Variants in SLC22A14 observed in about 807,000 individuals in gnomAD.
SLC22A14 encodes organic cation transporter-like 4.
In SLC22A14, 50 loss-of-function variants were observed where a neutral mutation model predicts 53.9. The ratio of observed to expected loss-of-function variants is 0.93; its 90% CI spans 0.74 to 1.17. SLC22A14 has a LOEUF of 1.17. Ranked by LOEUF, SLC22A14 falls within the 50% of genes most tolerant of loss-of-function variation. The pLI is 0.00. For synonymous variants in SLC22A14, 312 were observed against 303.0 expected (o/e 1.03, Z -0.31); for missense variants, 671 against 734.7 (o/e 0.91, Z 1.00).
At chr3:38,305,882 GGGAGGGAACTAC>G in intron 1 of SLC22A14, 133 bp from the exon 2 acceptor site, 1 of 746,358 alleles carries the variant, frequency 1.3e-6, no homozygotes, top group South Asian at 1.8e-5. Flanking sequence ...AAGAAAGCAA[GGGAGGGAACTAC>G]TGAGAACGTC....
intron 4 of SLC22A14, chr3:38,308,201 AAAG>A (rs750854435): frequency 5.6e-5 from 9 of 159,532 alleles, no homozygotes; most frequent in Non-Finnish European, 1.1e-4. Flanking sequence ...GAGGAAAGAA[AAAG>A]AAAGAAGGAG....
intron 1 of SLC22A14, among the ~76,000 whole-genome samples, chr3:38,289,642 C>T (rs539087207): frequency 6.6e-6 from 1 of 152,204 alleles, no homozygotes; most frequent in Non-Finnish European, 1.5e-5. Flanking sequence ...TTAGGATGAA[C>T]CCAGGCACTT....
Position 38,306,142 on chromosome 3 carries a change from G to A in SLC22A14, c.116G>A (p.Arg39His), listed in dbSNP as rs34043027. Residue 39 changes from arginine to histidine, a missense_variant, in exon 2 of 11, where the codon CGC becomes CAC. Physicochemically the swap from Arg to His is conservative, Grantham distance 29 (BLOSUM62 0). Transcript: ENST00000448498. The stretch of plus-strand genomic sequence containing the variant: ...TCCTGGTCTCTGGAGATGCTGTTAC[G>A]CAGATTGAGGGCTGTCCACACCAAG... Reference protein sequence around the residue: ...PHSWSLEMLLRRLRAVHTKQD... With the variant: ...PHSWSLEMLLHRLRAVHTKQD... 0.054 allele frequency: 86,439 copies of A among 1,613,986 alleles called. 2,804 individuals are homozygous for A. Among genetic ancestry groups the A allele is most frequent in the East Asian group, 0.15 (6,602 of 44,864 alleles).
At chr3:38,294,553 A>T (rs1450762662) in intron 1 of SLC22A14, among the ~76,000 whole-genome samples, 1 of 152,040 alleles carries the variant, frequency 6.6e-6, no homozygotes, top group Non-Finnish European at 1.5e-5. Context: ...AATGCTTCCC[A>T]TCAGAAAAAA....
At chr3:38,308,126 AC>A (rs1559551748) in intron 4 of SLC22A14, 7 of 154,986 alleles carry the variant, frequency 4.5e-5, no homozygotes, top group South Asian at 1.9e-4. Flanking sequence ...AAAAGAAAAA[AC>A]AACAAAAAAC....
At position 38,306,330 on chromosome 3, in the gene SLC22A14, T is replaced by TGG; in HGVS notation, c.305_306dup (p.Ile103GlyfsTer15). On this transcript the variant is annotated frameshift_variant, in exon 2 of 11. Transcript: ENST00000448498. LOFTEE classifies it high-confidence loss of function. ...CCAGAAGCCCTATTGCAATACCAGC[T>TGG]GGATCCTGGCAGTGGGCCCCCACCT... The TGG allele has an allele frequency of 3.1e-6, 5 of 1,614,168 alleles. No homozygotes were observed. The highest frequency in any genetic ancestry group is 4.2e-6 in the Non-Finnish European group (5 of 1,180,042).
At chr3:38,293,408 T>C (rs1007538809) in intron 1 of SLC22A14, among the ~76,000 whole-genome samples, 1 of 152,168 alleles carries the variant, frequency 6.6e-6, no homozygotes, top group Non-Finnish European at 1.5e-5. Flanking sequence ...CTTCTCCTGA[T>C]CTCTATTATA....
At chr3:38,285,084 G>C (rs901912915) in intron 1 of SLC22A14, among the ~76,000 whole-genome samples, 4 of 152,208 alleles carry the variant, frequency 2.6e-5, no homozygotes, top group African/African-American at 9.6e-5. Context: ...CTACCATGAA[G>C]TAAACAGCAC....
chr3:38,314,682 C>T (rs1704573691), intron 8 of SLC22A14, among the ~76,000 whole-genome samples: 1 of 152,252 alleles, frequency 6.6e-6, no homozygotes, highest in Non-Finnish European at 1.5e-5. Context: ...CCCTCCCTTT[C>T]TCCAGGGCTG....
intron 1 of SLC22A14, among the ~76,000 whole-genome samples, chr3:38,298,626 G>A (rs1054238765): frequency 6.6e-6 from 1 of 152,018 alleles, no homozygotes; most frequent in Non-Finnish European, 1.5e-5. Flanking sequence ...CGCCATCTCA[G>A]CTCACTGCAA....
In SLC22A14 at chr3:38,307,687, G is replaced by T; in HGVS notation, c.742G>T (p.Val248Leu). 6.2e-7 allele frequency: 1 copy of T among 1,614,214 alleles called. No homozygotes were observed. Among genetic ancestry groups the T allele is most frequent in the Non-Finnish European group, 8.5e-7 (1 of 1,180,046 alleles). Residue 248 changes from valine to leucine, a missense_variant, in exon 4 of 11, where the codon GTG (valine) becomes TTG (leucine). Coordinates refer to ENST00000448498, the MANE Select transcript of SLC22A14 (RefSeq NM_001320033.2). This position sits in a 1 kb window ranked among gnomAD's most constrained non-coding sequence, Gnocchi z 4.4. ...CTTTCGCTTTGGCATCTCGCAGTCA[G>T]TGGTGGGCTACGCCATCAGCAGCAT... ...LFFRFGISQS[V>L]VGYAISSISL...
chr3:38,306,195 G>A lies in SLC22A14; in HGVS notation c.169G>A (p.Asp57Asn). The A allele has an allele frequency of 6.2e-7, 1 of 1,614,194 alleles. No individual in the cohort carries two copies. The highest frequency in any genetic ancestry group is 1.7e-5 in the Admixed American group (1 of 60,022). The change falls in exon 2 of 11, where the codon GAT becomes AAT. Residue 57 changes from aspartate (D) to asparagine (N), a missense_variant. By Grantham distance (23) the Asp-to-Asn change is conservative (BLOSUM62 1). Coordinates refer to ENST00000448498, the MANE Select transcript of SLC22A14 (RefSeq NM_001320033.2). Reference sequence around the variant, plus strand: ...GGATGACAAGTTTGCCAACCTCCTGGATGCGGTGGGGGAGTTTGGCACATT... The same window carrying A: ...GGATGACAAGTTTGCCAACCTCCTGAATGCGGTGGGGGAGTTTGGCACATT... ...KQDDKFANLL[D>N]AVGEFGTFQQ...
intron 1 of SLC22A14, among the ~76,000 whole-genome samples, chr3:38,301,747 AT>A (rs34126295): frequency 0.068 from 9,753 of 143,326 alleles, 365 homozygotes; most frequent in East Asian, 0.17. Context: ...CCTTTTTAGG[AT>A]TTTTTTTTTT....
At chr3:38,314,989 CA>C (rs1324686429) in intron 8 of SLC22A14, among the ~76,000 whole-genome samples, 2 of 152,236 alleles carry the variant, frequency 1.3e-5, no homozygotes, top group Admixed American at 1.3e-4. Flanking sequence ...GACAGGCAGG[CA>C]GGCAGGGGCT....
rs1450494137 is a variant in SLC22A14 at position 38,307,189 on chromosome 3, G to A, written c.517-65G>A. 5 of 1,126,572 alleles carry A rather than the reference G, an allele frequency of 4.4e-6. No homozygotes were observed. The East Asian group carries it at 9.4e-5, about 21-fold the overall frequency. 69.8% of individuals were successfully genotyped at this position (1,126,572 alleles called of 1,614,324 possible). A position where few individuals can be genotyped will look rare whatever the true frequency, so the allele number is the denominator to read the frequency against. On this transcript the variant is annotated intron_variant, in intron 2 of 10. Coordinates refer to ENST00000448498, the MANE Select transcript of SLC22A14 (RefSeq NM_001320033.2). This position sits in a 1 kb window ranked among gnomAD's most constrained non-coding sequence, Gnocchi z 4.4. ...CCTTGGCCTATAGGTCCCACGCTGG[G>A]ATGAGTCTCAGTCTCTGGACCCAAA...
intron 1 of SLC22A14, among the ~76,000 whole-genome samples, chr3:38,285,162 AAG>A (rs1240343341): frequency 6.6e-6 from 1 of 152,168 alleles, no homozygotes; most frequent in Non-Finnish European, 1.5e-5. Flanking sequence ...GGAAAATACT[AAG>A]AGCAAGTAGT....
chr3:38,316,480 A>G lies in SLC22A14; in HGVS notation c.1689A>G (p.Arg563=), dbSNP rs1704624734. 1 of 1,613,970 alleles carries G rather than the reference A, an allele frequency of 6.2e-7. No homozygotes were observed. Among genetic ancestry groups the G allele is most frequent in the Admixed American group, 1.7e-5 (1 of 60,006 alleles). Residue 563 remains arginine (R), a synonymous_variant, in exon 10 of 11, where the codon CGA becomes CGG. Coordinates refer to ENST00000448498, the MANE Select transcript of SLC22A14 (RefSeq NM_001320033.2). The part of the protein sequence containing the change: ...FSLSSLLPET[R]DQPLSESLNH... ...TCTCCTCCCTGCTGCCGGAAACGCGAGATCAGCCCCTCTCCGAGAGCCTGA... is the reference window on the plus strand; with the variant it reads ...TCTCCTCCCTGCTGCCGGAAACGCGGGATCAGCCCCTCTCCGAGAGCCTGA...
chr3:38,313,803 G>C lies in SLC22A14; in HGVS notation c.1240G>C (p.Val414Leu). 1 of 1,614,040 alleles carries C rather than the reference G, an allele frequency of 6.2e-7. No homozygotes were observed. Among genetic ancestry groups the C allele is most frequent in the Non-Finnish European group, 8.5e-7 (1 of 1,179,970 alleles). Residue 414 changes from valine to leucine, a missense_variant, in exon 8 of 11, where the codon GTG (valine) becomes CTG (leucine). Physicochemically the swap from Val to Leu is conservative, Grantham distance 32 (BLOSUM62 1). Transcript: ENST00000448498. ...ELGVSVHFRHVVPSIMEVPAR... is the reference protein window; with the variant it reads ...ELGVSVHFRHLVPSIMEVPAR... ...GGGCGTGAGCGTCCACTTCAGACAC[G>C]TGGTCCCCAGCATCATGGAGGTGCC...
At chr3:38,303,995 T>C (rs1431538835) in intron 1 of SLC22A14, 1 of 151,934 alleles carries the variant, frequency 6.6e-6, no homozygotes, top group East Asian at 1.9e-4. Context: ...AAGACCATCC[T>C]GGCCAACACG....
Sources: allele counts gnomAD v4.1 joint callset (sites outside exome capture counted in the v4.1 genomes callset), GRCh38; gene constraint gnomAD v4.1.1; non-coding constraint Gnocchi (gnomAD v3.1); transcripts MANE v1.5; gene names NCBI Gene and HGNC (gene_info 2026-07-23, HGNC 2026-07-21).